MBL2: variants seen among roughly 807,000 people sequenced by gnomAD.
MBL2 encodes mannose-binding protein C.
MBL2 carries 6 observed loss-of-function variants against 12.7 expected under a neutral mutation model. The observed-to-expected ratio is 0.47, with a 90% CI of 0.26 to 0.94. MBL2 has a LOEUF of 0.94. MBL2 is among the 40% of genes least tolerant of loss of function. The pLI, the probability that MBL2 is intolerant of heterozygous loss-of-function variation, is 0.15. For synonymous variants in MBL2, 114 were observed against 112.0 expected (o/e 1.02, Z -0.11); for missense variants, 307 against 295.2 (o/e 1.04, Z -0.29).
rs1251837938 is a variant in MBL2 at position 52,771,611 on chromosome 10, G to A, written c.25C>T (p.Leu9Phe). The change falls in exon 2 of 5, where the codon CTC becomes TTC. Residue 9 changes from leucine to phenylalanine, a missense_variant. By Grantham distance (22) the Leu-to-Phe change is conservative (BLOSUM62 0). Transcript: ENST00000674931. ...GCTGCCACCATACTCAGGAGAAGGA[G>A]AGGGAGTGATGGAAACAGGGACATG... The part of the protein sequence containing the change: MSLFPSLP[L>F]LLLSMVAASY... 1.1e-5 allele frequency: 17 copies of A among 1,613,896 alleles called. No homozygotes were observed. Among genetic ancestry groups the A allele is most frequent in the South Asian group, 2.2e-5 (2 of 91,058 alleles).
intron 2 of MBL2, among the ~76,000 whole-genome samples, chr10:52,771,028 C>A (rs17287498): frequency 0.29 from 44,472 of 152,008 alleles, 7,888 homozygotes; most frequent in African/African-American, 0.51. Context: ...TTGTTTTTAC[C>A]AGTAGTTGTT....
intron 3 of MBL2, among the ~76,000 whole-genome samples, chr10:52,770,455 G>A (rs540140629): frequency 3.3e-5 from 5 of 152,360 alleles, no homozygotes; most frequent in Non-Finnish European, 5.9e-5. Flanking sequence ...AGTGCCTGAT[G>A]AGGGAGTTGT....
intron 2 of MBL2, 57 bp downstream of exon 2, chr10:52,771,392 C>CTGGAT: frequency 6.3e-7 from 1 of 1,588,508 alleles, no homozygotes. Flanking sequence ...CTCATATCCC[C>CTGGAT]AGGCAGTTTC....
At position 52,768,278 on chromosome 10, in the gene MBL2, T is replaced by G. The variant is rs760730624; in HGVS notation, c.606A>C (p.Arg202Ser). ...EGQFVDLTGN[R>S]LTYTNWNEGE... The stretch of plus-strand genomic sequence containing the variant: ...CCTCGTTCCAGTTTGTGTAGGTCAG[T>G]CTATTTCCTGTCAGATCCACAAACT... The change falls in exon 5 of 5, where the codon AGA becomes AGC. Residue 202 changes from arginine (R) to serine (S), a missense_variant. Transcript: ENST00000674931. 1 of 1,613,776 alleles carries G rather than the reference T, an allele frequency of 6.2e-7. No homozygotes were observed. Among genetic ancestry groups the G allele is most frequent in the Non-Finnish European group, 8.5e-7 (1 of 1,179,988 alleles).
At position 52,771,601 on chromosome 10, in the gene MBL2, A is replaced by C. The variant is rs72661127; in HGVS notation, c.35T>G (p.Leu12Arg). ...TGAGTAAGACGCTGCCACCATACTCAGGAGAAGGAGAGGGAGTGATGGAAA... is the reference window on the plus strand; with the variant it reads ...TGAGTAAGACGCTGCCACCATACTCCGGAGAAGGAGAGGGAGTGATGGAAA... ...SLFPSLPLLL[L>R]SMVAASYSET... The change falls in exon 2 of 5, where the codon CTG becomes CGG. Residue 12 changes from leucine to arginine, a missense_variant. Physicochemically the swap from Leu to Arg is moderately radical, Grantham distance 102. Coordinates refer to ENST00000674931, the MANE Select transcript of MBL2 (RefSeq NM_001378373.1). 70 of 1,613,906 alleles carry C rather than the reference A, an allele frequency of 4.3e-5. No individual in the cohort carries two copies. The African/African-American group carries it at 7.3e-4, about 17-fold the overall frequency.
Position 52,768,114 on chromosome 10 carries a change from G to A in MBL2, c.*23C>T. The A allele has an allele frequency of 1.9e-6, 3 of 1,564,892 alleles. No individual in the cohort carries two copies. Among genetic ancestry groups the A allele is most frequent in the Non-Finnish European group, 1.7e-6 (2 of 1,155,412 alleles). Reference sequence around the variant, plus strand: ...CTGTGGGTTGCAGTAAAAAGACAAGGAGGGCCTGAGTGATATGACCCTTCA... The same window carrying A: ...CTGTGGGTTGCAGTAAAAAGACAAGAAGGGCCTGAGTGATATGACCCTTCA... On this transcript the variant is annotated 3_prime_UTR_variant, in exon 5 of 5. Coordinates refer to ENST00000674931, the MANE Select transcript of MBL2 (RefSeq NM_001378373.1).
At chr10:52,769,764 G>GT (rs1310120684) in intron 3 of MBL2, among the ~76,000 whole-genome samples, 23 of 152,162 alleles carry the variant, frequency 1.5e-4, no homozygotes, top group African/African-American at 5.5e-4. Flanking sequence ...TTTTGTTTTT[G>GT]TTTTTTCCAG....
chr10:52,768,276 A>C lies in MBL2; in HGVS notation c.608T>G (p.Leu203Arg). The change falls in exon 5 of 5, where the codon CTG becomes CGG. Residue 203 changes from leucine to arginine, a missense_variant. Transcript: ENST00000674931. ...ACCCTCGTTCCAGTTTGTGTAGGTC[A>C]GTCTATTTCCTGTCAGATCCACAAA... ...GQFVDLTGNR[L>R]TYTNWNEGEP... is the part of the protein sequence containing the mutation. 1 of 1,613,550 alleles carries C rather than the reference A, an allele frequency of 6.2e-7. No homozygotes were observed. Among genetic ancestry groups the C allele is most frequent in the African/African-American group, 1.3e-5 (1 of 74,688 alleles).
chr10:52,768,238 C>T lies in MBL2; in HGVS notation c.646G>A (p.Ala216Thr), dbSNP rs769015081. The change falls in exon 5 of 5, where the codon GCT (alanine) becomes ACT (threonine). Residue 216 changes from alanine (A) to threonine (T), a missense_variant. Coordinates refer to ENST00000674931, the MANE Select transcript of MBL2 (RefSeq NM_001378373.1). ...AATACACAATCTTCATCAGAACCAG[C>T]ATTGTTGGGTTCACCCTCGTTCCAG... ...TNWNEGEPNN[A>T]GSDEDCVLLL... 2.5e-6 allele frequency: 4 copies of T among 1,613,782 alleles called. No homozygotes were observed. Among genetic ancestry groups the T allele is most frequent in the Non-Finnish European group, 3.4e-6 (4 of 1,180,036 alleles).
At chr10:52,771,391 C>T in intron 2 of MBL2, 58 bp downstream of exon 2, 3 of 1,587,454 alleles carry the variant, frequency 1.9e-6, no homozygotes, top group Non-Finnish European at 1.7e-6. Context: ...CCTCATATCC[C>T]CAGGCAGTTT....
At chr10:52,771,945 G>C (rs1031241497) in intron 1 of MBL2, among the ~76,000 whole-genome samples, 5 of 152,152 alleles carry the variant, frequency 3.3e-5, no homozygotes, top group Non-Finnish European at 7.3e-5. Context: ...AGAACAAATG[G>C]GACCGTGCAT....
Position 52,768,287 on chromosome 10 carries a change from T to C in MBL2, c.597A>G (p.Thr199=). The C allele has an allele frequency of 5.0e-6, 8 of 1,613,836 alleles. No homozygotes were observed. The highest frequency in any genetic ancestry group is 5.9e-6 in the Non-Finnish European group (7 of 1,179,992). Residue 199 remains threonine (T), a synonymous_variant, in exon 5 of 5, where the codon ACA becomes ACG. Transcript: ENST00000674931. ...EKTEGQFVDL[T]GNRLTYTNWN... ...AGTTTGTGTAGGTCAGTCTATTTCC[T>C]GTCAGATCCACAAACTGCCCTTCTG...
At chr10:52,768,600 C>A in intron 4 of MBL2, 90 bp from the exon 5 acceptor site, 1 of 855,676 alleles carries the variant, frequency 1.2e-6, no homozygotes, top group Non-Finnish European at 1.8e-6. Context: ...GTACAGTTGC[C>A]GGATAAAATA....
Position 52,768,300 on chromosome 10 carries a change from A to G in MBL2, c.584T>C (p.Phe195Ser). The part of the protein sequence containing the change: ...GITDEKTEGQ[F>S]VDLTGNRLTY... Reference sequence around the variant, plus strand: ...CAGTCTATTTCCTGTCAGATCCACAAACTGCCCTTCTGTCTTCTCATCAGT... The same window carrying G: ...CAGTCTATTTCCTGTCAGATCCACAGACTGCCCTTCTGTCTTCTCATCAGT... Residue 195 changes from phenylalanine to serine, a missense_variant, in exon 5 of 5, where the codon TTT (phenylalanine) becomes TCT (serine). Transcript: ENST00000674931. 6.2e-7 allele frequency: 1 copy of G among 1,613,864 alleles called. No homozygotes were observed. Among genetic ancestry groups the G allele is most frequent in the South Asian group, 1.1e-5 (1 of 91,076 alleles).
intron 2 of MBL2, among the ~76,000 whole-genome samples, 187 bp from the exon 3 acceptor site, chr10:52,770,973 G>A (rs1220612099): frequency 2.0e-5 from 3 of 152,222 alleles, no homozygotes; most frequent in East Asian, 1.9e-4. Flanking sequence ...AAGTTGCCAC[G>A]TGGAGGTTGC....
In MBL2 at chr10:52,769,668, G is replaced by A. The variant is rs146851415; in HGVS notation, c.305-353C>T. On this transcript the variant is annotated intron_variant, in intron 3 of 4. Coordinates refer to ENST00000674931, the MANE Select transcript of MBL2 (RefSeq NM_001378373.1). ...AAACTAAAAAGAAATCTCTTGAGGC[G>A]TTACTCTATTATGACCTGGTGAAGA... Among the ~76,000 whole-genome samples the A allele has an allele frequency of 3.4e-4, 51 of 152,176 alleles. No individual in the cohort carries two copies. The East Asian group carries it at 7.1e-3, about 21-fold the overall frequency.
chr10:52,765,568 A>G lies in MBL2; in HGVS notation c.*2569T>C, dbSNP rs1361364475. The G allele has an allele frequency of 6.6e-6, 1 of 152,196 alleles. No individual in the cohort carries two copies. The highest frequency in any genetic ancestry group is 1.5e-5 in the Non-Finnish European group (1 of 68,028). 9.4% of individuals were successfully genotyped at this position (152,196 alleles called of 1,614,324 possible). On this transcript the variant is annotated 3_prime_UTR_variant, in exon 5 of 5. Transcript: ENST00000674931. ...CACTTTAAAGGTGTTAACTTATTTCATCATCCCCACAATTTTCATGAAATA... is the reference window on the plus strand; with the variant it reads ...CACTTTAAAGGTGTTAACTTATTTCGTCATCCCCACAATTTTCATGAAATA...
chr10:52,769,293 G>C lies in MBL2; in HGVS notation c.327C>G (p.Ala109=), dbSNP rs1339989544. 1.2e-6 allele frequency: 2 copies of C among 1,611,826 alleles called. No individual in the cohort carries two copies. The highest frequency in any genetic ancestry group is 1.7e-6 in the Non-Finnish European group (2 of 1,179,148). ...KSPDGDSSLA[A]SERKALQTEM... ...CTGTTTGCAGAGCTTTTCTTTCTGA[G>C]GCAGCCAGGCTACTATCACCATCTA... The change falls in exon 4 of 5, where the codon GCC becomes GCG. Residue 109 remains alanine (A), a synonymous_variant. Transcript: ENST00000674931.
rs547119833 is a variant in MBL2, at chr10:52,767,858, C to A, written c.*279G>T. ...CAAGTTAACACTATCGAAAGCATTACAGATTAATTAAACTAGATAATTAAT... is the reference window on the plus strand; with the variant it reads ...CAAGTTAACACTATCGAAAGCATTAAAGATTAATTAAACTAGATAATTAAT... On this transcript the variant is annotated 3_prime_UTR_variant, in exon 5 of 5. Coordinates refer to ENST00000674931, the MANE Select transcript of MBL2 (RefSeq NM_001378373.1). 32 of 275,824 alleles carry A rather than the reference C, an allele frequency of 1.2e-4. No individual in the cohort carries two copies. Among genetic ancestry groups the A allele is most frequent in the Admixed American group, 9.5e-4 (20 of 21,062 alleles). The allele number at this position is 275,824 out of a possible 1,614,324, so 17.1% of individuals were successfully genotyped here. A position where few individuals can be genotyped will look rare whatever the true frequency, so the allele number is the denominator to read the frequency against.
Sources: gnomAD v4.1 joint callset for allele counts (sites outside exome capture counted in the v4.1 genomes callset) on GRCh38, gnomAD v4.1.1 for gene constraint, MANE v1.5 for transcripts, NCBI Gene and HGNC (gene_info 2026-07-23, HGNC 2026-07-21) for gene names.